FAT3: variants seen among roughly 807,000 people sequenced by gnomAD.
FAT3 encodes the protein protocadherin Fat 3.
FAT3 carries 95 observed loss-of-function variants against 310.2 expected under a neutral mutation model. The observed-to-expected ratio is 0.31, with a 90% CI of 0.26 to 0.36. The LOEUF is 0.36. Ranked by LOEUF, FAT3 falls within the 10% of genes least tolerant of loss-of-function variation. FAT3 has a pLI of 1.00. For synonymous variants in FAT3, 2,314 were observed against 2,192.9 expected (o/e 1.06, Z -1.54); for missense variants, 5,408 against 5,715.6 (o/e 0.95, Z 1.74).
chr11:92,873,997 T>A (rs908838039), intron 22 of FAT3, among the ~76,000 whole-genome samples: 1 of 152,202 alleles, frequency 6.6e-6, no homozygotes, highest in Admixed American at 6.5e-5. Context: ...ATAATAACAA[T>A]ACTTATGGCA....
intron 1 of FAT3, among the ~76,000 whole-genome samples, chr11:92,284,373 A>G (rs997452956): frequency 1.3e-5 from 2 of 152,068 alleles, no homozygotes; most frequent in African/African-American, 4.8e-5. Flanking sequence ...GGGATCTGAT[A>G]TGAGTATTGC....
intron 4 of FAT3, among the ~76,000 whole-genome samples, chr11:92,749,864 T>C (rs546074160): frequency 5.9e-5 from 9 of 152,374 alleles, no homozygotes; most frequent in Non-Finnish European, 1.3e-4. Flanking sequence ...TCTAGGCATA[T>C]TGTTTTAAAT....
intron 3 of FAT3, among the ~76,000 whole-genome samples, chr11:92,568,888 G>C (rs1955571265): frequency 6.6e-6 from 1 of 152,124 alleles, no homozygotes; most frequent in Non-Finnish European, 1.5e-5. Context: ...GTGGATACCT[G>C]TCAACCCTCT....
intron 3 of FAT3, among the ~76,000 whole-genome samples, chr11:92,672,757 T>C (rs1254229129): frequency 6.6e-6 from 1 of 152,170 alleles, no homozygotes; most frequent in Non-Finnish European, 1.5e-5. Flanking sequence ...GAGAGGTCAG[T>C]GTTTGTCATC....
At chr11:92,311,275 C>T (rs926827477) in intron 1 of FAT3, among the ~76,000 whole-genome samples, 6 of 152,192 alleles carry the variant, frequency 3.9e-5, no homozygotes, top group South Asian at 2.1e-4. Flanking sequence ...AAAATGATTA[C>T]GTCTTATTTT....
chr11:92,681,158 C>T (rs919981065), intron 3 of FAT3, among the ~76,000 whole-genome samples: 8 of 152,142 alleles, frequency 5.3e-5, no homozygotes, highest in Non-Finnish European at 1.2e-4. Flanking sequence ...TACAAAAGAT[C>T]GAGATGAAAT....
At chr11:92,451,355 G>A (rs1951348433) in intron 2 of FAT3, among the ~76,000 whole-genome samples, 2 of 152,164 alleles carry the variant, frequency 1.3e-5, no homozygotes, top group Admixed American at 1.3e-4. Flanking sequence ...AGCCTTCCAT[G>A]ACCTGTCTTG....
chr11:92,668,573 G>C (rs1271722940), intron 3 of FAT3, among the ~76,000 whole-genome samples: 7 of 152,162 alleles, frequency 4.6e-5, no homozygotes, highest in Non-Finnish European at 1.5e-5. Context: ...CCTGCAAGCT[G>C]CGTGACCTTG....
rs1275107409 is a variant in FAT3, at chr11:92,865,996, G to T, written c.11659-745G>T. ...AACGATCCAGATATTCTAAGCAAATGGCCAAGCCCTGAGCACCTTGGAAGA... is the reference window on the plus strand; with the variant it reads ...AACGATCCAGATATTCTAAGCAAATTGCCAAGCCCTGAGCACCTTGGAAGA... On this transcript the variant is annotated intron_variant, in intron 21 of 27. Transcript: ENST00000525166. Among the ~76,000 whole-genome samples, 3 of 152,168 alleles carry T rather than the reference G, an allele frequency of 2.0e-5. No individual in the cohort carries two copies. The East Asian group carries it at 5.8e-4, about 29-fold the overall frequency.
chr11:92,393,060 G>C (rs1330776152), intron 2 of FAT3, among the ~76,000 whole-genome samples: 1 of 152,096 alleles, frequency 6.6e-6, no homozygotes, highest in East Asian at 1.9e-4. Flanking sequence ...TTTGGTTTTT[G>C]TGAGTTTCTG....
At chr11:92,729,483 G>C (rs1381181999) in intron 4 of FAT3, among the ~76,000 whole-genome samples, 1 of 149,740 alleles carries the variant, frequency 6.7e-6, no homozygotes, top group Non-Finnish European at 1.5e-5. Context: ...CTGGAGTGCA[G>C]TGGCGTGATC....
intron 14 of FAT3, among the ~76,000 whole-genome samples, chr11:92,834,456 A>G (rs1307725088): frequency 6.6e-6 from 1 of 152,236 alleles, no homozygotes; most frequent in African/African-American, 2.4e-5. Context: ...CTTGCTGACA[A>G]GAATGAGGTC....
intron 3 of FAT3, among the ~76,000 whole-genome samples, chr11:92,609,359 T>C (rs1940458123): frequency 6.6e-6 from 1 of 152,200 alleles, no homozygotes; most frequent in African/African-American, 2.4e-5. Context: ...AAAACCTGTT[T>C]AGAATTTGCA....
At chr11:92,703,719 C>T (rs1008719020) in intron 4 of FAT3, among the ~76,000 whole-genome samples, 6 of 152,226 alleles carry the variant, frequency 3.9e-5, no homozygotes, top group East Asian at 1.9e-4. Context: ...TTCATAAAAG[C>T]TTTATCGAAT....
intron 2 of FAT3, among the ~76,000 whole-genome samples, chr11:92,368,876 A>G (rs552789037): frequency 7.2e-6 from 1 of 138,932 alleles, no homozygotes; most frequent in East Asian, 2.0e-4. Flanking sequence ...ATATACACAC[A>G]TATACACATA....
At chr11:92,279,389 T>A (rs1473431312) in intron 1 of FAT3, among the ~76,000 whole-genome samples, 1 of 152,156 alleles carries the variant, frequency 6.6e-6, no homozygotes, top group African/African-American at 2.4e-5. Flanking sequence ...TAATATCCTT[T>A]GTATGTATCC....
intron 3 of FAT3, among the ~76,000 whole-genome samples, chr11:92,649,899 A>ATG (rs1317924450): frequency 7.9e-4 from 50 of 63,266 alleles, no homozygotes; most frequent in African/African-American, 2.8e-3. Context: ...ATATATATAT[A>ATG]TATATATATA....
chr11:92,512,403 A>G (rs1953323016), intron 2 of FAT3, among the ~76,000 whole-genome samples: 1 of 151,362 alleles, frequency 6.6e-6, no homozygotes, highest in Non-Finnish European at 1.5e-5. Context: ...GAACTGGAAC[A>G]AAAAGCAGAT....
At chr11:92,306,839 G>A (rs1351631603) in intron 1 of FAT3, among the ~76,000 whole-genome samples, 5 of 143,900 alleles carry the variant, frequency 3.5e-5, no homozygotes, top group Non-Finnish European at 6.0e-5. Context: ...TTGCACTGCT[G>A]GAAGGCAGTG....
Sources: gnomAD v4.1 joint callset for allele counts (sites outside exome capture counted in the v4.1 genomes callset) on GRCh38, gnomAD v4.1.1 for gene constraint, MANE v1.5 for transcripts, NCBI Gene and HGNC (gene_info 2026-07-23, HGNC 2026-07-21) for gene names.